Variants in PADI2 observed in about 807,000 individuals in gnomAD.
PADI2 encodes the protein protein-arginine deiminase type-2.
In PADI2, 70 loss-of-function variants were observed where a neutral mutation model predicts 81.1. The observed-to-expected ratio is 0.86, with a 90% confidence interval of 0.71 to 1.05. The LOEUF (loss-of-function observed/expected upper bound fraction) is 1.05, where lower values mean the gene tolerates loss of function less well. PADI2 is among the 50% of genes least tolerant of loss of function. The pLI is 0.00. For synonymous variants in PADI2, 338 were observed against 358.0 expected (o/e 0.94, Z 0.63); for missense variants, 853 against 889.9 (o/e 0.96, Z 0.53).
chr1:17,096,115 A>G (rs2235918), intron 3 of PADI2, 145 bp from the exon 4 acceptor site: 298,211 of 520,524 alleles, frequency 0.57, 87,874 homozygotes, highest in Middle Eastern at 0.64. Context: ...CATCTTATGC[A>G]ACCCCCTGCC....
At chr1:17,118,525 G>A (rs1028094569) in intron 1 of PADI2, among the ~76,000 whole-genome samples, 3 of 152,026 alleles carry the variant, frequency 2.0e-5, no homozygotes, top group Admixed American at 1.3e-4. Flanking sequence ...CAGCTGTCTC[G>A]GACATCCCGC....
chr1:17,116,387 C>A (rs1419620377), intron 1 of PADI2, among the ~76,000 whole-genome samples: 1 of 152,126 alleles, frequency 6.6e-6, no homozygotes, highest in Non-Finnish European at 1.5e-5. Context: ...GATGCCACTC[C>A]GTAATTAACT....
rs756419560 is a variant in PADI2 at position 17,070,262 on chromosome 1, C to G, written c.1636-46G>C. The G allele has an allele frequency of 3.0e-5, 48 of 1,604,810 alleles. No individual in the cohort carries two copies. The Middle Eastern group carries it at 1.5e-3, about 50-fold the overall frequency. On this transcript the variant is annotated intron_variant, in intron 14 of 15. Transcript: ENST00000375486. ...AGGGCATGCAGGTGAGGGGGACACA[C>G]ACCGGCCACCTTGTCAACCCCATCC...
At chr1:17,070,519 G>A (rs115275118) in intron 14 of PADI2, among the ~76,000 whole-genome samples, 1,536 of 152,312 alleles carry the variant, frequency 0.01, 25 homozygotes, top group African/African-American at 0.035. Context: ...GACCCCTCGG[G>A]CCACCCCATG....
intron 4 of PADI2, 31 bp downstream of exon 4, chr1:17,095,878 C>T (rs747126380): frequency 6.3e-7 from 1 of 1,587,638 alleles, no homozygotes; most frequent in South Asian, 1.1e-5. Flanking sequence ...GCCCTGGGTT[C>T]AGGGTGGTGC....
At chr1:17,082,435 C>T (rs981218995) in intron 10 of PADI2, 110 bp downstream of exon 10, 1 of 730,112 alleles carries the variant, frequency 1.4e-6, no homozygotes, top group African/African-American at 1.8e-5. Flanking sequence ...GAAACAGAGG[C>T]TCTGGGCAGC....
Position 17,074,853 on chromosome 1 carries a change from C to A in PADI2, c.1549+3G>T. The stretch of plus-strand genomic sequence containing the variant: ...TTCCTGTCAAGGCCCTGTGGCCACT[C>A]ACCTTTGAACATGATGGCCTCTCCA... On this transcript the variant is annotated splice_donor_region_variant and intron_variant, in intron 13 of 15. Transcript: ENST00000375486. 1 of 1,599,042 alleles carries A rather than the reference C, an allele frequency of 6.3e-7. No individual in the cohort carries two copies. Among genetic ancestry groups the A allele is most frequent in the Non-Finnish European group, 8.6e-7 (1 of 1,168,334 alleles).
intron 8 of PADI2, 125 bp downstream of exon 8, chr1:17,084,474 G>T: frequency 1.6e-6 from 1 of 607,808 alleles, no homozygotes; most frequent in Non-Finnish European, 3.0e-6. Context: ...TTTCAGAGAG[G>T]CCAAGAGAGT....
chr1:17,086,258 G>A (rs1222511608), intron 7 of PADI2, among the ~76,000 whole-genome samples: 2 of 152,206 alleles, frequency 1.3e-5, no homozygotes, highest in Non-Finnish European at 2.9e-5. Context: ...CCAGGACACA[G>A]GCGTGGAGTG....
intron 6 of PADI2, among the ~76,000 whole-genome samples, chr1:17,089,591 G>A (rs1034791813): frequency 1.3e-5 from 2 of 152,132 alleles, no homozygotes; most frequent in Non-Finnish European, 2.9e-5. Context: ...GATGTGGCCC[G>A]TGGCCTGTGA....
At chr1:17,099,286 G>T (rs1383617181) in intron 3 of PADI2, among the ~76,000 whole-genome samples, 1 of 152,174 alleles carries the variant, frequency 6.6e-6, no homozygotes, top group Non-Finnish European at 1.5e-5. Flanking sequence ...CTGGGGAGAA[G>T]GCATAGGATC....
chr1:17,111,202 C>T (rs537570368), intron 1 of PADI2, among the ~76,000 whole-genome samples: 43 of 151,118 alleles, frequency 2.8e-4, no homozygotes, highest in African/African-American at 1.0e-3. Flanking sequence ...ATTCTCCTGC[C>T]TCAGCCTCCT....
intron 1 of PADI2, among the ~76,000 whole-genome samples, chr1:17,107,134 T>C (rs948223438): frequency 5.3e-5 from 8 of 152,016 alleles, no homozygotes; most frequent in Non-Finnish European, 1.2e-4. Context: ...CAGAGGGACT[T>C]AGGTGGGATT....
chr1:17,088,280 G>A (rs1183174851), intron 6 of PADI2, among the ~76,000 whole-genome samples: 1 of 152,194 alleles, frequency 6.6e-6, no homozygotes, highest in Non-Finnish European at 1.5e-5. Context: ...ACCCTATGCA[G>A]TTCCAGAAGG....
chr1:17,093,734 G>T, intron 4 of PADI2, 50 bp from the exon 5 acceptor site: 2 of 1,073,764 alleles, frequency 1.9e-6, no homozygotes, highest in South Asian at 1.3e-5. Context: ...TGCTTGTATA[G>T]ACCCCATGGG....
intron 5 of PADI2, 102 bp downstream of exon 5, chr1:17,093,465 G>A: frequency 1.4e-6 from 1 of 724,026 alleles, no homozygotes; most frequent in Non-Finnish European, 2.4e-6. Flanking sequence ...ATCCCCAGGA[G>A]GCCTGAGTCC....
chr1:17,079,284 G>A lies in PADI2; in HGVS notation c.1290C>T (p.Leu430=), dbSNP rs777013159. The A allele has an allele frequency of 1.9e-6, 3 of 1,613,884 alleles. No homozygotes were observed. Among genetic ancestry groups the A allele is most frequent in the Non-Finnish European group, 1.7e-6 (2 of 1,179,894 alleles). The change falls in exon 11 of 16, where the codon CTC becomes CTT. Residue 430 remains leucine, a synonymous_variant. Transcript: ENST00000375486. ...CTTACAGAGGAAAGCTGCTCCCGAT[G>A]AGGATGCGGCCAAGCGGGTATGTCT... The part of the protein sequence containing the change: ...NGKTYPLGRI[L]IGSSFPLSGG...
intron 11 of PADI2, among the ~76,000 whole-genome samples, chr1:17,077,774 C>A (rs868275888): frequency 3.9e-5 from 6 of 152,180 alleles, no homozygotes; most frequent in Non-Finnish European, 5.9e-5. Flanking sequence ...AGGAAACTGG[C>A]GGCCAAATCC....
chr1:17,080,993 C>G (rs1346191922), intron 10 of PADI2, among the ~76,000 whole-genome samples: 2 of 152,242 alleles, frequency 1.3e-5, no homozygotes, highest in African/African-American at 4.8e-5. Context: ...TGGGGCTCTG[C>G]AGCACCATAC....
Sources: allele counts gnomAD v4.1 joint callset (sites outside exome capture counted in the v4.1 genomes callset), GRCh38; gene constraint gnomAD v4.1.1; transcripts MANE v1.5; gene names NCBI Gene and HGNC (gene_info 2026-07-23, HGNC 2026-07-21).